Variants in FBXO36 observed in about 807,000 individuals in gnomAD.
FBXO36 encodes F-box only protein 36.
Under a neutral mutation model 17.0 loss-of-function variants are expected in FBXO36, and 18 were observed. The ratio of observed to expected loss-of-function variants is 1.06; its 90% CI spans 0.73 to 1.57. The LOEUF is 1.57. Among genes scored for constraint, FBXO36 ranks in the 40% most tolerant of loss-of-function variants. FBXO36 has a pLI of 0.00. For missense variants in FBXO36, 229 were observed against 221.9 expected (o/e 1.03, Z -0.20); for synonymous variants, 83 against 85.3 (o/e 0.97, Z 0.15).
At position 229,945,785 on chromosome 2, in the gene FBXO36, G is replaced by T. The variant is rs900921019; in HGVS notation, c.96+23176G>T. 1.6e-4 allele frequency among the ~76,000 whole-genome samples: 25 copies of T among 152,006 alleles called. 1 individual carries two copies. The highest frequency in any genetic ancestry group is 1.5e-5 in the Non-Finnish European group (1 of 68,002). On this transcript the variant is annotated intron_variant, in intron 1 of 3. Coordinates refer to ENST00000283946, the MANE Select transcript of FBXO36 (RefSeq NM_174899.5). ...TGCCTGTAATCCCAGCACTTTGGGA[G>T]GCTGAGGCAGGCGGATCATCTGAGT...
chr2:229,938,603 G>A (rs2076979260), intron 1 of FBXO36, among the ~76,000 whole-genome samples: 1 of 148,444 alleles, frequency 6.7e-6, no homozygotes, highest in African/African-American at 2.5e-5. Flanking sequence ...TCCTGCCTCA[G>A]CCTCCCGAGT....
chr2:229,924,483 T>G (rs964026581), intron 1 of FBXO36, among the ~76,000 whole-genome samples: 5 of 152,330 alleles, frequency 3.3e-5, no homozygotes, highest in African/African-American at 7.2e-5. Flanking sequence ...GATTTTCTAT[T>G]TTTATCTACC....
At chr2:229,960,474 G>C (rs1033194220) in intron 1 of FBXO36, among the ~76,000 whole-genome samples, 2 of 151,758 alleles carry the variant, frequency 1.3e-5, no homozygotes, top group East Asian at 3.9e-4. Flanking sequence ...GCACCATGCC[G>C]GTCTTTTTTT....
At chr2:229,974,345 G>A (rs371831986) in intron 1 of FBXO36, among the ~76,000 whole-genome samples, 30 of 152,230 alleles carry the variant, frequency 2.0e-4, no homozygotes, top group African/African-American at 6.7e-4. Context: ...TAAATACCTC[G>A]GAAGGGCCAG....
In FBXO36 at chr2:230,012,868, A is replaced by G. The variant is rs1290311376; in HGVS notation, c.*1984A>G. On this transcript the variant is annotated 3_prime_UTR_variant, in exon 4 of 4. Transcript: ENST00000283946. ...TTCTGAAAGCTTATGGACATGCGCA[A>G]TAGTTGATTCAGCTTCAATCAATAA... 6.6e-6 allele frequency: 1 copy of G among 151,700 alleles called. No homozygotes were observed. The highest frequency in any genetic ancestry group is 6.6e-5 in the Admixed American group (1 of 15,224). The allele number at this position is 151,700 out of a possible 1,614,324, so 9.4% of individuals were successfully genotyped here. A position where few individuals can be genotyped will look rare whatever the true frequency, so the allele number is the denominator to read the frequency against.
At chr2:229,938,565 A>C (rs1311325178) in intron 1 of FBXO36, among the ~76,000 whole-genome samples, 1,964 of 101,738 alleles carry the variant, frequency 0.019, no homozygotes, top group Middle Eastern at 0.099. Context: ...GCTCACCGCA[A>C]CCTCCGCCTC....
chr2:229,979,021 A>G (rs1157877450), intron 2 of FBXO36, among the ~76,000 whole-genome samples: 1 of 151,984 alleles, frequency 6.6e-6, no homozygotes, highest in Non-Finnish European at 1.5e-5. Flanking sequence ...TACTAAAAAT[A>G]TAAAAATTAG....
chr2:229,956,885 G>C (rs545932931), intron 1 of FBXO36, among the ~76,000 whole-genome samples: 4 of 152,094 alleles, frequency 2.6e-5, no homozygotes, highest in African/African-American at 9.6e-5. Context: ...ACACCCCTGG[G>C]GTCTCTTCCC....
intron 1 of FBXO36, among the ~76,000 whole-genome samples, chr2:229,941,846 G>A (rs1380246447): frequency 6.6e-6 from 1 of 151,980 alleles, no homozygotes; most frequent in Non-Finnish European, 1.5e-5. Context: ...GCGAAACCCT[G>A]TCTCTACTAA....
intron 2 of FBXO36, among the ~76,000 whole-genome samples, chr2:229,984,118 G>A (rs1277048570): frequency 6.6e-6 from 1 of 152,096 alleles, no homozygotes; most frequent in East Asian, 1.9e-4. Context: ...GGGAGGCCGA[G>A]GCGGGTGGAT....
At chr2:229,955,528 AAG>A (rs1029321980) in intron 1 of FBXO36, among the ~76,000 whole-genome samples, 1 of 151,920 alleles carries the variant, frequency 6.6e-6, no homozygotes, top group African/African-American at 2.4e-5. Flanking sequence ...AAAAAAAAAA[AAG>A]AGAGAGAAAT....
chr2:229,983,115 C>T (rs2077249459), intron 2 of FBXO36, among the ~76,000 whole-genome samples: 1 of 152,020 alleles, frequency 6.6e-6, no homozygotes, highest in Admixed American at 6.6e-5. Context: ...GTGGCTCATG[C>T]GTGTAATCCC....
intron 1 of FBXO36, 44 bp downstream of exon 1, chr2:229,922,653 TGGCCCGGTTGG>T: frequency 6.3e-7 from 1 of 1,594,524 alleles, no homozygotes; most frequent in Non-Finnish European, 8.6e-7. Context: ...ACTCCCTACC[TGGCCCGGTTGG>T]GGCCCGGGAC....
intron 2 of FBXO36, among the ~76,000 whole-genome samples, chr2:229,987,643 A>T (rs2077275933): frequency 6.6e-6 from 1 of 151,184 alleles, no homozygotes; most frequent in African/African-American, 2.4e-5. Context: ...TTTATTTTTT[A>T]TTTTTGAGAT....
At chr2:229,958,754 C>T (rs539770754) in intron 1 of FBXO36, among the ~76,000 whole-genome samples, 1 of 152,254 alleles carries the variant, frequency 6.6e-6, no homozygotes, top group South Asian at 2.1e-4. Flanking sequence ...AGCTTCTTCC[C>T]ATAAAGCTTA....
chr2:229,962,325 C>T lies in FBXO36; in HGVS notation c.97-13916C>T, dbSNP rs546795409. On this transcript the variant is annotated intron_variant, in intron 1 of 3. Transcript: ENST00000283946. The stretch of plus-strand genomic sequence containing the variant: ...ATTAGATAATGAATAAAGTTAATTT[C>T]GGTATCTTTTTTTCTTTTTTTTGAA... Among the ~76,000 whole-genome samples, 16 of 151,492 alleles carry T rather than the reference C, an allele frequency of 1.1e-4. No homozygotes were observed. In the South Asian group the frequency reaches 1.7e-3, roughly 16 times the overall value.
chr2:229,944,844 C>T (rs1006254019), intron 1 of FBXO36, among the ~76,000 whole-genome samples: 4 of 152,058 alleles, frequency 2.6e-5, no homozygotes, highest in Admixed American at 6.6e-5. Context: ...CCACCCACCT[C>T]GGACTCCCAA....
At chr2:229,969,201 A>T (rs1302977252) in intron 1 of FBXO36, among the ~76,000 whole-genome samples, 2 of 151,504 alleles carry the variant, frequency 1.3e-5, no homozygotes, top group African/African-American at 4.8e-5. Context: ...AATTCTACCA[A>T]GATCAAACAA....
intron 1 of FBXO36, 88 bp downstream of exon 1, chr2:229,922,697 C>A: frequency 7.3e-7 from 1 of 1,369,564 alleles, no homozygotes; most frequent in Non-Finnish European, 1.0e-6. Flanking sequence ...AGGCCAAGAG[C>A]AACCGTAGCC....
Sources: allele counts gnomAD v4.1 joint callset (sites outside exome capture counted in the v4.1 genomes callset), GRCh38; gene constraint gnomAD v4.1.1; transcripts MANE v1.5; gene names NCBI Gene and HGNC (gene_info 2026-07-23, HGNC 2026-07-21).